Variants in KNG1 observed in about 807,000 individuals in gnomAD.
The protein encoded by KNG1 is kininogen 1, also known as kininogen-1.
In KNG1, 23 loss-of-function variants were observed where a neutral mutation model predicts 47.8. The observed-to-expected ratio is 0.48, with a 90% CI of 0.35 to 0.68. The LOEUF (loss-of-function observed/expected upper bound fraction) is 0.68. Ranked by LOEUF, KNG1 falls within the 30% of genes least tolerant of loss-of-function variation. KNG1 has a pLI of 0.01. For synonymous variants in KNG1, 277 were observed against 277.0 expected, an observed-to-expected ratio of 1.00 and a Z score of 0.00; for missense variants, 762 against 790.2, an observed-to-expected ratio of 0.96 and a Z score of 0.43.
At chr3:186,726,238 ATCT>A (rs1168415919) in intron 4 of KNG1, among the ~76,000 whole-genome samples, 1 of 147,028 alleles carries the variant, frequency 6.8e-6, no homozygotes, top group Non-Finnish European at 1.5e-5. Flanking sequence ...TCAGCTACAA[ATCT>A]TCTTAATGAT....
At chr3:186,735,543 G>A (rs957066902) in intron 7 of KNG1, among the ~76,000 whole-genome samples, 62 of 151,994 alleles carry the variant, frequency 4.1e-4, no homozygotes, top group African/African-American at 1.5e-3. Context: ...ACTTAAACTC[G>A]GGAGGCGGAG....
rs1579116763 is a variant in KNG1 at position 186,725,117 on chromosome 3, G to C, written c.421G>C (p.Asp141His). ...AEGPVVTAQY[D>H]CLGCVHPIST... ...GGGCCCTGTGGTGACAGCCCAGTAC[G>C]ACTGCCTCGGCTGTGTGCATCCTAT... The change falls in exon 4 of 10, where the codon GAC (aspartate) becomes CAC (histidine). Residue 141 changes from aspartate (D) to histidine (H), a missense_variant. By Grantham distance (81) the Asp-to-His change is moderately conservative (BLOSUM62 -1). Coordinates refer to ENST00000644859, the MANE Select transcript of KNG1 (RefSeq NM_001102416.3). 4 of 1,614,020 alleles carry C rather than the reference G, an allele frequency of 2.5e-6. No individual in the cohort carries two copies. The highest frequency in any genetic ancestry group is 3.4e-6 in the Non-Finnish European group (4 of 1,180,002).
intron 1 of KNG1, 146 bp from the exon 2 acceptor site, chr3:186,719,959 G>A: frequency 1.4e-6 from 1 of 698,210 alleles, no homozygotes. Context: ...TCACATAAAT[G>A]TTTATGATAG....
chr3:186,717,776 T>G, intron 1 of KNG1, 39 bp downstream of exon 1: 1 of 1,484,414 alleles, frequency 6.7e-7, no homozygotes, highest in Non-Finnish European at 9.4e-7. Flanking sequence ...CACTTGGGAT[T>G]TGTACTATCA....
chr3:186,735,258 G>C (rs1720641343), intron 7 of KNG1, among the ~76,000 whole-genome samples: 1 of 152,168 alleles, frequency 6.6e-6, no homozygotes, highest in South Asian at 2.1e-4. Flanking sequence ...GGCAGAGACA[G>C]GAGGATCACT....
chr3:186,720,778 G>GCT (rs1720169600), intron 2 of KNG1, among the ~76,000 whole-genome samples: 2 of 82,714 alleles, frequency 2.4e-5, no homozygotes, highest in Non-Finnish European at 2.5e-5. Context: ...GCTGGTTGTT[G>GCT]TTTTGCTTTT....
rs527717270 is a variant in KNG1, at chr3:186,741,646, G to A, written c.1250G>A (p.Arg417Gln). The change falls in exon 10 of 10, where the codon CGG becomes CAG. Residue 417 changes from arginine to glutamine, a missense_variant. Transcript: ENST00000644859. ...ATGGCACCTGCACAAGATGAAGAGC[G>A]GGATTCAGGAAAAGAACAAGGGCAT... ...TSMAPAQDEE[R>Q]DSGKEQGHTR... The A allele has an allele frequency of 3.2e-5, 51 of 1,614,200 alleles. No individual in the cohort carries two copies. The highest frequency in any genetic ancestry group is 1.6e-4 in the Middle Eastern group (1 of 6,062).
chr3:186,736,593 T>C (rs924161584), intron 7 of KNG1: 5 of 152,296 alleles, frequency 3.3e-5, no homozygotes, highest in Admixed American at 6.5e-5. Context: ...TCTGCTGAGA[T>C]GAATAAACTT....
chr3:186,740,755 T>C (rs113876337), intron 9 of KNG1, among the ~76,000 whole-genome samples: 8 of 152,336 alleles, frequency 5.3e-5, no homozygotes, highest in East Asian at 1.9e-4. Flanking sequence ...CATGGATACA[T>C]GCTCCCTATA....
intron 2 of KNG1, chr3:186,720,447 C>G (rs532755667): frequency 4.5e-5 from 23 of 514,674 alleles, no homozygotes; most frequent in African/African-American, 3.5e-4. Flanking sequence ...GAAGGGGGCT[C>G]TAGTGTCCAG....
At chr3:186,727,215 A>G in intron 4 of KNG1, 22 bp from the exon 5 acceptor site, 3 of 1,513,204 alleles carry the variant, frequency 2.0e-6, no homozygotes, top group Non-Finnish European at 2.8e-6. Context: ...CCCTTTAAAT[A>G]TTCAATCTGA....
intron 5 of KNG1, chr3:186,728,854 C>T (rs1393887265): frequency 2.0e-5 from 3 of 152,136 alleles, no homozygotes; most frequent in South Asian, 4.1e-4. Context: ...GGTTTTGCCA[C>T]GTTGGCCAGG....
Position 186,717,634 on chromosome 3 carries a change from A to G in KNG1, c.92A>G (p.Lys31Arg). Reference sequence around the variant, plus strand: ...TCCGAGGAAATTGACTGCAATGACAAGGATTTATTTAAAGCTGTGGATGCT... The same window carrying G: ...TCCGAGGAAATTGACTGCAATGACAGGGATTTATTTAAAGCTGTGGATGCT... ...SQSEEIDCND[K>R]DLFKAVDAAL... The change falls in exon 1 of 10, where the codon AAG becomes AGG. Residue 31 changes from lysine to arginine, a missense_variant. Coordinates refer to ENST00000644859, the MANE Select transcript of KNG1 (RefSeq NM_001102416.3). 1 of 1,613,098 alleles carries G rather than the reference A, an allele frequency of 6.2e-7. No homozygotes were observed. Among genetic ancestry groups the G allele is most frequent in the Non-Finnish European group, 8.5e-7 (1 of 1,179,528 alleles).
intron 1 of KNG1, among the ~76,000 whole-genome samples, chr3:186,719,621 C>T (rs540544033): frequency 6.6e-5 from 10 of 151,918 alleles, no homozygotes; most frequent in Admixed American, 2.0e-4. Context: ...CCCAGCTACT[C>T]TGGAGGCTGA....
chr3:186,728,080 C>A (rs1720421163), intron 5 of KNG1, among the ~76,000 whole-genome samples: 1 of 152,164 alleles, frequency 6.6e-6, no homozygotes, highest in Admixed American at 6.5e-5. Flanking sequence ...CCTTCCCTAC[C>A]TTTATCTTTA....
chr3:186,730,689 T>A (rs1375777510), intron 5 of KNG1, among the ~76,000 whole-genome samples: 47 of 14,030 alleles, frequency 3.3e-3, no homozygotes, highest in African/African-American at 6.9e-3. Context: ...AAAAAATATA[T>A]ATATATATAT....
rs1419707400 is a variant in KNG1 at position 186,722,442 on chromosome 3, T to G, written c.312T>G (p.Thr104=). 1 of 1,612,652 alleles carries G rather than the reference T, an allele frequency of 6.2e-7. No homozygotes were observed. Among genetic ancestry groups the G allele is most frequent in the African/African-American group, 1.3e-5 (1 of 74,910 alleles). Residue 104 remains threonine, a synonymous_variant, in exon 3 of 10, where the codon ACT becomes ACG. Transcript: ENST00000644859. The stretch of plus-strand genomic sequence containing the variant: ...TCTCTTTCTTTTCTTTTTAGGCCAC[T>G]GGAGAATGCACGGCAACCGTGGGGA... ...CEYKDAAKAA[T]GECTATVGKR...
At chr3:186,741,372 C>A in intron 9 of KNG1, 150 bp from the exon 10 acceptor site, 1 of 653,174 alleles carries the variant, frequency 1.5e-6, no homozygotes, top group Non-Finnish European at 2.5e-6. Context: ...AATTATTCAT[C>A]CTTTCTGGAA....
intron 1 of KNG1, 144 bp downstream of exon 1, chr3:186,717,881 A>AT (rs1720038015): frequency 1.4e-5 from 3 of 210,214 alleles, no homozygotes; most frequent in African/African-American, 1.2e-4. Context: ...CACCACCACC[A>AT]CAACCACCAC....
Sources: gnomAD v4.1 joint callset for allele counts (sites outside exome capture counted in the v4.1 genomes callset) on GRCh38, gnomAD v4.1.1 for gene constraint, MANE v1.5 for transcripts, NCBI Gene and HGNC (gene_info 2026-07-23, HGNC 2026-07-21) for gene names.